The following RCOR1 variants were observed in gnomAD, a reference collection of about 807,000 sequenced individuals.
RCOR1 encodes REST corepressor 1.
Under a neutral mutation model 64.0 loss-of-function variants are expected in RCOR1, and 12 were observed. The observed-to-expected ratio is 0.19, with a 90% CI of 0.12 to 0.30. The LOEUF (loss-of-function observed/expected upper bound fraction) is 0.30, where lower values mean the gene tolerates loss of function less well. Ranked by LOEUF, RCOR1 falls within the 10% of genes least tolerant of loss-of-function variation. The pLI, the probability that RCOR1 is intolerant of heterozygous loss-of-function variation, is 1.00. For synonymous variants in RCOR1, 279 were observed against 227.2 expected, an observed-to-expected ratio of 1.23 and a Z score of -2.05; for missense variants, 502 against 621.2, an observed-to-expected ratio of 0.81 and a Z score of 2.04.
At chr14:102,707,630 C>T in intron 5 of RCOR1, 118 bp downstream of exon 5, 1 of 907,108 alleles carries the variant, frequency 1.1e-6, no homozygotes, top group African/African-American at 1.7e-5. Context: ...TGATAAAGTT[C>T]CCCTTTAGAT....
rs1306250379 is a variant in RCOR1 at position 102,592,764 on chromosome 14, C to T, written c.-123C>T. ...GGGCCTCCCCCGACTCGGACTCGCG[C>T]CCGTGGGCTCCCGCCGCGCCCGCCC... On this transcript the variant is annotated 5_prime_UTR_variant, in exon 1 of 12. Transcript: ENST00000262241. 2 of 1,206,260 alleles carry T rather than the reference C, an allele frequency of 1.7e-6. No homozygotes were observed. The highest frequency in any genetic ancestry group is 3.2e-5 in the African/African-American group (2 of 62,978). The allele number at this position is 1,206,260 out of a possible 1,614,324, so 74.7% of individuals were successfully genotyped here.
intron 3 of RCOR1, among the ~76,000 whole-genome samples, 157 bp from the exon 4 acceptor site, chr14:102,701,121 G>A (rs759135192): frequency 2.6e-5 from 4 of 152,200 alleles, no homozygotes; most frequent in Admixed American, 6.5e-5. Flanking sequence ...TACAGCACTT[G>A]GGAATTGTGG....
intron 2 of RCOR1, among the ~76,000 whole-genome samples, chr14:102,610,014 C>T (rs1337299742): frequency 1.3e-5 from 2 of 151,802 alleles, no homozygotes; most frequent in Admixed American, 1.3e-4. Context: ...GGAGTAGTTC[C>T]AGCTACTCGG....
intron 2 of RCOR1, among the ~76,000 whole-genome samples, chr14:102,631,071 G>C (rs951321383): frequency 6.6e-6 from 1 of 152,050 alleles, no homozygotes; most frequent in African/African-American, 2.4e-5. Context: ...TTGAAGTGTA[G>C]GCCCAGAACT....
At chr14:102,676,719 CGGGCGGGGGGCT>C (rs1895170733) in intron 2 of RCOR1, among the ~76,000 whole-genome samples, 1 of 104,944 alleles carries the variant, frequency 9.5e-6, no homozygotes, top group Admixed American at 8.5e-5. Flanking sequence ...GGCGGCTGGC[CGGGCGGGGGGCT>C]GACCCCCCCC....
chr14:102,665,056 G>C (rs541904641), intron 2 of RCOR1, among the ~76,000 whole-genome samples: 1 of 152,168 alleles, frequency 6.6e-6, no homozygotes, highest in African/African-American at 2.4e-5. Flanking sequence ...TGTTGCCCGG[G>C]CTGGAATGCA....
chr14:102,727,183 GGACA>G lies in RCOR1; in HGVS notation c.*678_*681del, dbSNP rs1241040252. ...AAGATCATTTACTGCAACTGTCGTT[GGACA>G]CTGTAGCTTAAAGGGAACGTGGACC... On this transcript the variant is annotated 3_prime_UTR_variant, in exon 12 of 12. Coordinates refer to ENST00000262241, the MANE Select transcript of RCOR1 (RefSeq NM_015156.4). 3.3e-5 allele frequency: 5 copies of G among 152,114 alleles called. No homozygotes were observed. Among genetic ancestry groups the G allele is most frequent in the Admixed American group, 3.3e-4 (5 of 15,270 alleles). 9.4% of individuals were successfully genotyped at this position (152,114 alleles called of 1,614,324 possible). A position where few individuals can be genotyped will look rare whatever the true frequency, so the allele number is the denominator to read the frequency against.
At chr14:102,679,691 G>A (rs1328076652) in intron 2 of RCOR1, among the ~76,000 whole-genome samples, 1 of 152,122 alleles carries the variant, frequency 6.6e-6, no homozygotes, top group African/African-American at 2.4e-5. Flanking sequence ...TGTTAGCCAG[G>A]ATGGTCTTGA....
At chr14:102,711,988 A>C (rs1326765193) in intron 7 of RCOR1, among the ~76,000 whole-genome samples, 2 of 151,890 alleles carry the variant, frequency 1.3e-5, no homozygotes, top group East Asian at 3.9e-4. Flanking sequence ...GAACCTTTTA[A>C]ATTTACTCTA....
Position 102,593,298 on chromosome 14 carries a change from C to G in RCOR1, c.334C>G (p.Gln112Glu). 1 of 1,549,096 alleles carries G rather than the reference C, an allele frequency of 6.5e-7. No homozygotes were observed. The highest frequency in any genetic ancestry group is 8.7e-7 in the Non-Finnish European group (1 of 1,153,832). The change falls in exon 2 of 12, where the codon CAG (glutamine) becomes GAG (glutamate). Residue 112 changes from glutamine (Q) to glutamate (E), a missense_variant. By Grantham distance (29) the Gln-to-Glu change is conservative (BLOSUM62 2). Around this residue, in one of 2 missense-constraint regions of RCOR1, gnomAD observed 242 missense variants for 204.9 expected, o/e 1.18. Transcript: ENST00000262241. ...GGGMRVGPQY[Q>E]AVVPDFDPAK... The stretch of plus-strand genomic sequence containing the variant: ...TGGCATGAGGGTCGGACCCCAGTAC[C>G]AGGCGGTGGTGCCCGACTTCGACCC...
chr14:102,619,961 G>T (rs1893840196), intron 2 of RCOR1, among the ~76,000 whole-genome samples: 1 of 152,170 alleles, frequency 6.6e-6, no homozygotes, highest in South Asian at 2.1e-4. Context: ...TTGTATACCT[G>T]TCTACAGACC....
chr14:102,708,311 A>T (rs1365057919), intron 5 of RCOR1, among the ~76,000 whole-genome samples, 154 bp from the exon 6 acceptor site: 1 of 152,216 alleles, frequency 6.6e-6, no homozygotes, highest in African/African-American at 2.4e-5. Context: ...CATATTAGCC[A>T]GGATGGTCTC....
intron 2 of RCOR1, among the ~76,000 whole-genome samples, chr14:102,636,974 A>C (rs149782163): frequency 3.9e-5 from 6 of 152,110 alleles, no homozygotes; most frequent in Non-Finnish European, 8.8e-5. Context: ...TCTGTTTCAA[A>C]AAAACAAAAC....
intron 2 of RCOR1, among the ~76,000 whole-genome samples, chr14:102,594,908 C>T (rs1171992620): frequency 1.3e-5 from 2 of 152,116 alleles, no homozygotes; most frequent in African/African-American, 2.4e-5. Flanking sequence ...AATCGACTTC[C>T]ACAAATCTTT....
chr14:102,707,574 T>C, intron 5 of RCOR1, 62 bp downstream of exon 5: 1 of 1,322,316 alleles, frequency 7.6e-7, no homozygotes, highest in African/African-American at 1.5e-5. Flanking sequence ...TTTTGCAGCA[T>C]ACTTGAGATA....
chr14:102,602,402 T>C (rs1307981605), intron 2 of RCOR1, among the ~76,000 whole-genome samples: 4 of 145,242 alleles, frequency 2.8e-5, no homozygotes, highest in Non-Finnish European at 4.5e-5. Flanking sequence ...TTCTTTTTTT[T>C]TTTTTTTTTT....
Position 102,673,156 on chromosome 14 carries a change from T to C in RCOR1, c.362-8739T>C, listed in dbSNP as rs187361324. Among the ~76,000 whole-genome samples the C allele has an allele frequency of 2.1e-3, 321 of 152,364 alleles. 2 individuals carry two copies. Among genetic ancestry groups the C allele is most frequent in the Non-Finnish European group, 3.9e-3 (267 of 68,032 alleles). ...TATCTTTATTGTATACATCTTATTC[T>C]TTAAATGTACCCCATAACTAATAGT... On this transcript the variant is annotated intron_variant, in intron 2 of 11. Coordinates refer to ENST00000262241, the MANE Select transcript of RCOR1 (RefSeq NM_015156.4).
intron 2 of RCOR1, among the ~76,000 whole-genome samples, chr14:102,623,165 T>C (rs1270905004): frequency 6.6e-6 from 1 of 152,136 alleles, no homozygotes; most frequent in African/African-American, 2.4e-5. Flanking sequence ...TTAATGTATT[T>C]ATTGATATAT....
intron 4 of RCOR1, among the ~76,000 whole-genome samples, chr14:102,706,022 G>T (rs1007464251): frequency 7.3e-5 from 10 of 137,504 alleles, no homozygotes; most frequent in African/African-American, 2.7e-4. Context: ...TGAGGCAGGA[G>T]AATTGATTGA....
Sources: allele counts gnomAD v4.1 joint callset (sites outside exome capture counted in the v4.1 genomes callset), GRCh38; gene constraint gnomAD v4.1.1; regional missense constraint gnomAD v4.1.1; transcripts MANE v1.5; gene names NCBI Gene and HGNC (gene_info 2026-07-23, HGNC 2026-07-21).